DNAH12: variants seen among roughly 807,000 people sequenced by gnomAD.
DNAH12 encodes the protein axonemal beta dynein heavy chain 12.
Under a neutral mutation model 371.5 loss-of-function variants are expected in DNAH12, and 285 were observed. The observed-to-expected ratio is 0.77, with a 90% CI of 0.70 to 0.85. DNAH12 has a LOEUF of 0.85. Ranked by LOEUF, DNAH12 falls within the 40% of genes least tolerant of loss-of-function variation. The pLI, the probability that DNAH12 is intolerant of heterozygous loss-of-function variation, is 0.00. For synonymous variants in DNAH12, 1,200 were observed against 1,213.0 expected, an observed-to-expected ratio of 0.99 and a Z score of 0.22; for missense variants, 3,611 against 3,689.4, an observed-to-expected ratio of 0.98 and a Z score of 0.55.
At chr3:57,371,664 A>AAC (rs1480802766) in intron 55 of DNAH12, among the ~76,000 whole-genome samples, 2 of 82,542 alleles carry the variant, frequency 2.4e-5, no homozygotes, top group Non-Finnish European at 5.1e-5. Flanking sequence ...CCCATCTCAA[A>AAC]ACACGCACAC....
At chr3:57,345,189 ATGTC>A (rs2062509295) in intron 60 of DNAH12, among the ~76,000 whole-genome samples, 1 of 152,220 alleles carries the variant, frequency 6.6e-6, no homozygotes, top group Non-Finnish European at 1.5e-5. Flanking sequence ...ACAAGATGAA[ATGTC>A]TGTCTGAAAT....
chr3:57,297,096 C>T (rs141429638), intron 70 of DNAH12, 112 bp from the exon 71 acceptor site: 35 of 1,239,410 alleles, frequency 2.8e-5, no homozygotes, highest in Admixed American at 8.9e-5. Context: ...TTTTCCATCA[C>T]GAGGCCCTCT....
In DNAH12 at chr3:57,507,789, G is replaced by C. The variant is rs763122927; in HGVS notation, c.751C>G (p.Gln251Glu). Residue 251 changes from glutamine (Q) to glutamate (E), a missense_variant, in exon 8 of 74, where the codon CAA becomes GAA. This residue lies in a region of DNAH12 where 1,314 missense variants were observed against 1,398.7 expected (regional missense o/e 0.94). Coordinates refer to ENST00000495027, the MANE Select transcript of DNAH12 (RefSeq NM_001366028.2). The part of the protein sequence containing the change: ...CESLKTDLSI[Q>E]TRNAEEKIMN... ...ATCTTCTCTTCTGCGTTTCTAGTTT[G>C]TATTGATAGATCAGTTTTCAGTGAT... 28 of 1,601,524 alleles carry C rather than the reference G, an allele frequency of 1.7e-5. No individual in the cohort carries two copies. Among genetic ancestry groups the C allele is most frequent in the Non-Finnish European group, 2.3e-5 (27 of 1,177,748 alleles).
In DNAH12 at chr3:57,501,399, A is replaced by G. The variant is rs763234701; in HGVS notation, c.1257T>C (p.Asn419=). The G allele has an allele frequency of 2.8e-5, 44 of 1,584,830 alleles. No homozygotes were observed. In the Middle Eastern group the frequency reaches 1.2e-3, roughly 42 times the overall value. The part of the protein sequence containing the change: ...KHYETYVEKY[N]WLLDGTAVEN... ...CAACTGCAGTCCCATCAAGGAGCCA[A>G]TTATATTTTTCAACTGAAAATTAAT... The change falls in exon 11 of 74, where the codon AAT becomes AAC. Residue 419 remains asparagine (N), a synonymous_variant. Coordinates refer to ENST00000495027, the MANE Select transcript of DNAH12 (RefSeq NM_001366028.2).
At chr3:57,539,208 C>G (rs1343242478) in intron 2 of DNAH12, among the ~76,000 whole-genome samples, 1 of 152,198 alleles carries the variant, frequency 6.6e-6, no homozygotes, top group Non-Finnish European at 1.5e-5. Context: ...AGAGTGATAT[C>G]TTTTAAATGT....
intron 4 of DNAH12, among the ~76,000 whole-genome samples, chr3:57,516,165 G>A (rs867839667): frequency 1.4e-5 from 2 of 139,880 alleles, no homozygotes; most frequent in Middle Eastern, 7.8e-3. Context: ...TTGGGTTCAA[G>A]TGATGTTCCT....
At chr3:57,554,280 C>G in the DNAH12 span, among the ~76,000 whole-genome samples, 2 of 134,532 alleles carry the variant, frequency 1.5e-5, 1 homozygote, top group African/African-American at 6.8e-5. Flanking sequence ...GAGTGAGGCT[C>G]CATCTCAAAA....
intron 11 of DNAH12, among the ~76,000 whole-genome samples, chr3:57,499,646 AAATAT>A (rs1327249303): frequency 6.2e-4 from 20 of 32,052 alleles, no homozygotes; most frequent in African/African-American, 2.6e-3. Context: ...AAAAAAAAAA[AAATAT>A]ATATATATAT....
chr3:57,341,342 T>C (rs782628673), intron 60 of DNAH12, among the ~76,000 whole-genome samples: 1 of 152,138 alleles, frequency 6.6e-6, no homozygotes. Context: ...TGATTTTATA[T>C]ATAGAAAAAC....
In DNAH12 at chr3:57,437,032, C is replaced by T. The variant is rs1324413918; in HGVS notation, c.4574G>A (p.Cys1525Tyr). The change falls in exon 30 of 74, where the codon TGC (cysteine) becomes TAC (tyrosine). Residue 1525 changes from cysteine to tyrosine, a missense_variant. Physicochemically the swap from Cys to Tyr is radical, Grantham distance 194. Around this residue, in one of 3 missense-constraint regions of DNAH12, gnomAD observed 2,266 missense variants for 2,236.9 expected, o/e 1.01. Transcript: ENST00000495027. ...AACAGGCTGAAGATTATGTACATTG[C>T]AGGCTTCATGAGCACATTCCAAAAA... is the stretch of plus-strand genomic sequence containing the variant. ...HEFLECAHEA[C>Y]NVHNLQPVKF... is the part of the protein sequence containing the mutation. 3 of 1,516,984 alleles carry T rather than the reference C, an allele frequency of 2.0e-6. No individual in the cohort carries two copies. Among genetic ancestry groups the T allele is most frequent in the Non-Finnish European group, 2.6e-6 (3 of 1,137,812 alleles). The allele number at this position is 1,516,984 out of a possible 1,614,324, so 94.0% of individuals were successfully genotyped here.
intron 59 of DNAH12, among the ~76,000 whole-genome samples, chr3:57,352,954 T>C (rs927206573): frequency 2.0e-5 from 3 of 151,832 alleles, no homozygotes; most frequent in African/African-American, 7.3e-5. Flanking sequence ...CCAGGGGTGG[T>C]GGTACACGCC....
Position 57,427,138 on chromosome 3 carries a change from ATGTGTG to A in DNAH12, c.5253+1489_5253+1494del, listed in dbSNP as rs71088070. On this transcript the variant is annotated intron_variant, in intron 34 of 73. Transcript: ENST00000495027. Reference sequence around the variant, plus strand: ...ATATTTATTTATATGTAAGAAGCGAATGTGTGTGTGTGTGTGTGTGTGTGTGTGTGT... The same window carrying A: ...ATATTTATTTATATGTAAGAAGCGAATGTGTGTGTGTGTGTGTGTGTGTGT... Among the ~76,000 whole-genome samples the A allele has an allele frequency of 5.1e-4, 71 of 138,866 alleles. 2 individuals are homozygous for A. The South Asian group carries it at 0.012, about 23-fold the overall frequency. 91.1% of individuals were successfully genotyped at this position (138,866 alleles called of 152,430 possible).
chr3:57,343,295 A>T (rs1262827084), intron 60 of DNAH12, among the ~76,000 whole-genome samples: 1 of 152,214 alleles, frequency 6.6e-6, no homozygotes, highest in African/African-American at 2.4e-5. Flanking sequence ...CTTTGCTGAG[A>T]TGTTGTTAAT....
At chr3:57,339,055 T>C (rs1253331269) in intron 60 of DNAH12, among the ~76,000 whole-genome samples, 2 of 152,232 alleles carry the variant, frequency 1.3e-5, no homozygotes, top group East Asian at 1.9e-4. Flanking sequence ...TGCCTTGGGC[T>C]GCTGTTAATC....
At chr3:57,555,753 T>C in the DNAH12 span, among the ~76,000 whole-genome samples, 1 of 152,266 alleles carries the variant, frequency 6.6e-6, no homozygotes, top group Admixed American at 6.5e-5. Context: ...AGTTATTGTA[T>C]ATCGTTCGTT....
At chr3:57,475,869 G>T (rs2153381805) in intron 13 of DNAH12, among the ~76,000 whole-genome samples, 2 of 152,246 alleles carry the variant, frequency 1.3e-5, no homozygotes, top group Non-Finnish European at 2.9e-5. Context: ...AAAGAATTTT[G>T]CCTTAATTAG....
At chr3:57,418,106 G>A (rs1289074774) in intron 37 of DNAH12, among the ~76,000 whole-genome samples, 1 of 151,900 alleles carries the variant, frequency 6.6e-6, no homozygotes, top group Non-Finnish European at 1.5e-5. Context: ...GAGCAGAGAT[G>A]CTGGAATGCA....
intron 65 of DNAH12, among the ~76,000 whole-genome samples, chr3:57,321,397 T>A (rs1456947735): frequency 6.6e-6 from 1 of 152,148 alleles, no homozygotes; most frequent in South Asian, 2.1e-4. Flanking sequence ...AACATGAAAA[T>A]ATGATAAATA....
At position 57,428,508 on chromosome 3, in the gene DNAH12, G is replaced by T. The variant is rs1298238700; in HGVS notation, c.5253+125C>A. 3.3e-6 allele frequency: 5 copies of T among 1,526,338 alleles called. No homozygotes were observed. In the African/African-American group the frequency reaches 7.0e-5, roughly 21 times the overall value. 94.5% of individuals were successfully genotyped at this position (1,526,338 alleles called of 1,614,324 possible). A position where few individuals can be genotyped will look rare whatever the true frequency, so the allele number is the denominator to read the frequency against. Reference sequence around the variant, plus strand: ...ACTTAAGCAATATAAAACCAACGGTGGATAGTAAATGCATAAGGACAAACT... The same window carrying T: ...ACTTAAGCAATATAAAACCAACGGTTGATAGTAAATGCATAAGGACAAACT... On this transcript the variant is annotated intron_variant, in intron 34 of 73. Coordinates refer to ENST00000495027, the MANE Select transcript of DNAH12 (RefSeq NM_001366028.2).
Sources: allele counts gnomAD v4.1 joint callset (sites outside exome capture counted in the v4.1 genomes callset), GRCh38; gene constraint gnomAD v4.1.1; regional missense constraint gnomAD v4.1.1; transcripts MANE v1.5; gene names NCBI Gene and HGNC (gene_info 2026-07-23, HGNC 2026-07-21).